Variants in SCAI observed in about 807,000 individuals in gnomAD.
The protein encoded by SCAI is suppressor of cancer cell invasion.
SCAI carries 24 observed loss-of-function variants against 92.2 expected under a neutral mutation model. That is an observed-to-expected ratio of 0.26 (90% CI 0.19 to 0.37). SCAI has a LOEUF of 0.37. Ranked by LOEUF, SCAI falls within the 10% of genes least tolerant of loss-of-function variation. SCAI has a pLI of 1.00. For synonymous variants in SCAI, 261 were observed against 258.6 expected (o/e 1.01, Z -0.09); for missense variants, 450 against 736.2 (o/e 0.61, Z 4.50).
At chr9:125,092,211 A>T (rs887779482) in intron 2 of SCAI, among the ~76,000 whole-genome samples, 1 of 149,570 alleles carries the variant, frequency 6.7e-6, no homozygotes, top group Non-Finnish European at 1.5e-5. Flanking sequence ...GTAATCCCAG[A>T]ACTTTGGGAA....
At chr9:125,069,573 C>T (rs1409783549) in intron 2 of SCAI, among the ~76,000 whole-genome samples, 1 of 150,728 alleles carries the variant, frequency 6.6e-6, no homozygotes, top group East Asian at 2.0e-4. Flanking sequence ...CCGCCTCAGC[C>T]TCCCAAAGTG....
chr9:125,043,851 T>C (rs1833380918), intron 3 of SCAI, among the ~76,000 whole-genome samples: 1 of 152,098 alleles, frequency 6.6e-6, no homozygotes, highest in Admixed American at 6.6e-5. Flanking sequence ...CTCCACAGAA[T>C]GGGTGGAGGC....
intron 2 of SCAI, among the ~76,000 whole-genome samples, chr9:125,119,904 T>C (rs1051493675): frequency 6.6e-6 from 1 of 152,212 alleles, no homozygotes; most frequent in Non-Finnish European, 1.5e-5. Flanking sequence ...GTTTCCCTCT[T>C]ACACAGGCCA....
In SCAI at chr9:124,957,913, C is replaced by T. The variant is rs182677424; in HGVS notation, c.1675-4960G>A. Among the ~76,000 whole-genome samples the T allele has an allele frequency of 7.2e-5, 11 of 152,142 alleles. No homozygotes were observed. In the East Asian group the frequency reaches 2.1e-3, roughly 29 times the overall value. ...GGCCAGGCTGGTCTTTAACTCCTGACCTCAGGTGACCTGCCCACCTTGGCC... is the reference window on the plus strand; with the variant it reads ...GGCCAGGCTGGTCTTTAACTCCTGATCTCAGGTGACCTGCCCACCTTGGCC... On this transcript the variant is annotated intron_variant, in intron 17 of 17. Coordinates refer to ENST00000336505, the MANE Select transcript of SCAI (RefSeq NM_001144877.3).
intron 2 of SCAI, among the ~76,000 whole-genome samples, chr9:125,081,155 T>G (rs1354481455): frequency 6.6e-6 from 1 of 152,232 alleles, no homozygotes; most frequent in Non-Finnish European, 1.5e-5. Context: ...GAAAATGGAA[T>G]AATACAGTAA....
At chr9:125,078,281 C>T (rs1834136882) in intron 2 of SCAI, among the ~76,000 whole-genome samples, 1 of 152,112 alleles carries the variant, frequency 6.6e-6, no homozygotes, top group Non-Finnish European at 1.5e-5. Context: ...AATCCCAGCA[C>T]TTTGGAAGGC....
intron 2 of SCAI, among the ~76,000 whole-genome samples, chr9:125,118,683 G>A (rs1835100424): frequency 6.6e-6 from 1 of 152,084 alleles, no homozygotes; most frequent in Non-Finnish European, 1.5e-5. Flanking sequence ...TTTGTGTCCT[G>A]ATGCTCTTCG....
intron 17 of SCAI, among the ~76,000 whole-genome samples, chr9:124,956,577 C>A (rs112854290): frequency 0.029 from 4,373 of 152,186 alleles, 224 homozygotes; most frequent in African/African-American, 0.096. Context: ...TATATTAGAT[C>A]AGTAGATGCA....
intron 2 of SCAI, among the ~76,000 whole-genome samples, chr9:125,067,399 G>C (rs1369719214): frequency 6.6e-6 from 1 of 152,138 alleles, no homozygotes; most frequent in African/African-American, 2.4e-5. Context: ...AGGAGACACA[G>C]AGACAGACAC....
At chr9:125,085,793 C>T (rs1248819709) in intron 2 of SCAI, among the ~76,000 whole-genome samples, 2 of 152,118 alleles carry the variant, frequency 1.3e-5, no homozygotes, top group Non-Finnish European at 2.9e-5. Flanking sequence ...TTCTTTGCTG[C>T]TGAGAAAAAG....
In SCAI at chr9:125,127,505, C is replaced by A. The variant is rs368836970; in HGVS notation, c.98+15128G>T. ...TCAGAATCCCAAAGTGCTGGGGTTACAGGTACGAGCCACCACACCTGCCCC... is the reference window on the plus strand; with the variant it reads ...TCAGAATCCCAAAGTGCTGGGGTTAAAGGTACGAGCCACCACACCTGCCCC... On this transcript the variant is annotated intron_variant, in intron 2 of 17. Coordinates refer to ENST00000336505, the MANE Select transcript of SCAI (RefSeq NM_001144877.3). Among the ~76,000 whole-genome samples, 5 of 151,326 alleles carry A rather than the reference C, an allele frequency of 3.3e-5. No homozygotes were observed. In the South Asian group the frequency reaches 1.0e-3, roughly 32 times the overall value.
At chr9:125,014,533 G>T (rs1832709252) in intron 9 of SCAI, among the ~76,000 whole-genome samples, 1 of 152,080 alleles carries the variant, frequency 6.6e-6, no homozygotes, top group Non-Finnish European at 1.5e-5. Context: ...AATAAAAGAG[G>T]ATACAAACAA....
At chr9:125,008,341 T>C (rs992087440) in intron 9 of SCAI, among the ~76,000 whole-genome samples, 6 of 152,084 alleles carry the variant, frequency 3.9e-5, no homozygotes, top group Non-Finnish European at 5.9e-5. Flanking sequence ...TTCACCATGT[T>C]GGCCAGGCTG....
chr9:125,006,803 A>G lies in SCAI; in HGVS notation c.862-3233T>C, dbSNP rs542575942. Among the ~76,000 whole-genome samples, 146 of 152,296 alleles carry G rather than the reference A, an allele frequency of 9.6e-4. 1 individual carries two copies. Among genetic ancestry groups the G allele is most frequent in the South Asian group, 2.3e-3 (11 of 4,820 alleles). ...CTGCACCTGACCTATACTTTTAAAA[A>G]TAAAAAATACAATAAATGAAATGTA... is the stretch of plus-strand genomic sequence containing the variant. On this transcript the variant is annotated intron_variant, in intron 9 of 17. Coordinates refer to ENST00000336505, the MANE Select transcript of SCAI (RefSeq NM_001144877.3).
At chr9:125,132,977 A>G (rs1329997566) in intron 2 of SCAI, among the ~76,000 whole-genome samples, 2 of 152,014 alleles carry the variant, frequency 1.3e-5, no homozygotes, top group African/African-American at 4.8e-5. Context: ...AAATAAATAA[A>G]TAAATAAAAG....
chr9:125,142,480 C>A, intron 2 of SCAI, 153 bp downstream of exon 2: 3 of 590,626 alleles, frequency 5.1e-6, no homozygotes, highest in Non-Finnish European at 9.0e-6. Flanking sequence ...ATTTGAAGTC[C>A]TCAAAAGAAA....
At chr9:125,072,243 C>T (rs1191408828) in intron 2 of SCAI, among the ~76,000 whole-genome samples, 3 of 152,062 alleles carry the variant, frequency 2.0e-5, no homozygotes, top group Non-Finnish European at 2.9e-5. Flanking sequence ...AGGATGGTCT[C>T]GATCTCCTGA....
chr9:125,127,747 C>G (rs188671519), intron 2 of SCAI, among the ~76,000 whole-genome samples: 5 of 152,280 alleles, frequency 3.3e-5, no homozygotes, highest in Admixed American at 3.3e-4. Flanking sequence ...GTGGCACACG[C>G]CTGTAATCCC....
At chr9:124,955,592 G>A (rs1158947769) in intron 17 of SCAI, among the ~76,000 whole-genome samples, 1 of 151,746 alleles carries the variant, frequency 6.6e-6, no homozygotes, top group Non-Finnish European at 1.5e-5. Flanking sequence ...CTGCCCTCCT[G>A]ACTGGGCAAC....
Sources: gnomAD v4.1 joint callset for allele counts (sites outside exome capture counted in the v4.1 genomes callset) on GRCh38, gnomAD v4.1.1 for gene constraint, MANE v1.5 for transcripts, NCBI Gene and HGNC (gene_info 2026-07-23, HGNC 2026-07-21) for gene names.